Variants in CNTN5 observed in about 807,000 individuals in gnomAD.
CNTN5 encodes contactin 5.
CNTN5 carries 77 observed loss-of-function variants against 129.1 expected under a neutral mutation model. The observed-to-expected ratio is 0.60, with a 90% CI of 0.50 to 0.72. CNTN5 has a LOEUF of 0.72. CNTN5 is among the 30% of genes least tolerant of loss of function. The pLI, the probability that CNTN5 is intolerant of heterozygous loss-of-function variation, is 0.00. For missense variants in CNTN5, 1,478 were observed against 1,328.8 expected (o/e 1.11, Z -1.75); for synonymous variants, 509 against 465.6 (o/e 1.09, Z -1.20).
At chr11:99,172,931 G>A (rs1861213462) in intron 1 of CNTN5, among the ~76,000 whole-genome samples, 1 of 152,184 alleles carries the variant, frequency 6.6e-6, no homozygotes, top group South Asian at 2.1e-4. Context: ...CCGAGATTGG[G>A]AAATTTACAA....
intron 3 of CNTN5, among the ~76,000 whole-genome samples, chr11:99,579,659 G>T: frequency 7.2e-6 from 1 of 138,042 alleles, no homozygotes; most frequent in African/African-American, 2.8e-5. Context: ...AAGAATGCTT[G>T]TGATTTTTGC....
intron 2 of CNTN5, among the ~76,000 whole-genome samples, chr11:99,427,562 T>C (rs955811414): frequency 6.6e-6 from 1 of 151,894 alleles, no homozygotes; most frequent in African/African-American, 2.4e-5. Flanking sequence ...GTCAGGAGAT[T>C]GAGACCATCT....
chr11:99,284,343 G>A (rs925655162), intron 1 of CNTN5, among the ~76,000 whole-genome samples: 7 of 152,020 alleles, frequency 4.6e-5, no homozygotes, highest in Admixed American at 2.0e-4. Flanking sequence ...GTTCTGTCTT[G>A]AGAAATGTTT....
chr11:99,821,726 A>T lies in CNTN5; in HGVS notation c.277+1961A>T, dbSNP rs555467512. Reference sequence around the variant, plus strand: ...AATCTTTACAGATAAAACCCTCATTAAAATAAGACCCCCCTTCAAAGATTG... The same window carrying T: ...AATCTTTACAGATAAAACCCTCATTTAAATAAGACCCCCCTTCAAAGATTG... On this transcript the variant is annotated intron_variant, in intron 4 of 24. Coordinates refer to ENST00000524871, the MANE Select transcript of CNTN5 (RefSeq NM_014361.4). Among the ~76,000 whole-genome samples, 10 of 152,276 alleles carry T rather than the reference A, an allele frequency of 6.6e-5. No individual in the cohort carries two copies. In the East Asian group the frequency reaches 1.9e-3, roughly 29 times the overall value.
At chr11:99,981,071 C>A (rs1179131064) in intron 8 of CNTN5, among the ~76,000 whole-genome samples, 7 of 42,062 alleles carry the variant, frequency 1.7e-4, no homozygotes, top group Non-Finnish European at 2.3e-4. Context: ...GAGAAAGAGC[C>A]AATAGGATAT....
chr11:99,295,483 T>C (rs781436834), intron 1 of CNTN5, among the ~76,000 whole-genome samples: 1 of 152,234 alleles, frequency 6.6e-6, no homozygotes, highest in Non-Finnish European at 1.5e-5. Flanking sequence ...TTGCCACTTT[T>C]ATTCTAAACC....
At position 99,681,483 on chromosome 11, in the gene CNTN5, C is replaced by G. The variant is rs536587092; in HGVS notation, c.55+125214C>G. On this transcript the variant is annotated intron_variant, in intron 3 of 24. Coordinates refer to ENST00000524871, the MANE Select transcript of CNTN5 (RefSeq NM_014361.4). Reference sequence around the variant, plus strand: ...ACATCGAGGCAAGGCCCACCAGCAGCAAAAGATGACCATTTGTGGAAGGCT... The same window carrying G: ...ACATCGAGGCAAGGCCCACCAGCAGGAAAAGATGACCATTTGTGGAAGGCT... Among the ~76,000 whole-genome samples the G allele has an allele frequency of 1.1e-3, 166 of 152,180 alleles. 2 individuals carry two copies. The highest frequency in any genetic ancestry group is 3.5e-3 in the South Asian group (17 of 4,826).
chr11:100,085,302 GC>G (rs1429852309), intron 13 of CNTN5, among the ~76,000 whole-genome samples: 14 of 151,956 alleles, frequency 9.2e-5, no homozygotes, highest in Non-Finnish European at 1.5e-5. Context: ...GAAAACCTCT[GC>G]CTGCTGCTGC....
At chr11:100,074,392 G>A in intron 13 of CNTN5, 98 bp downstream of exon 13, 2 of 1,043,848 alleles carry the variant, frequency 1.9e-6, no homozygotes, top group Non-Finnish European at 2.8e-6. Context: ...GCAGTACCGT[G>A]AGACGTATTT....
chr11:100,306,604 C>T (rs1315528157), intron 20 of CNTN5, among the ~76,000 whole-genome samples: 1 of 151,664 alleles, frequency 6.6e-6, no homozygotes, highest in African/African-American at 2.4e-5. Flanking sequence ...TCCTAAATCC[C>T]AGAGATCAAG....
At chr11:99,424,709 T>C (rs190973339) in intron 2 of CNTN5, among the ~76,000 whole-genome samples, 192 of 152,348 alleles carry the variant, frequency 1.3e-3, no homozygotes, top group African/African-American at 4.4e-3. Flanking sequence ...AGCTCCTATG[T>C]CTGGGCTGCC....
In CNTN5 at chr11:99,677,919, C is replaced by T. The variant is rs1029067363; in HGVS notation, c.55+121650C>T. ...AAACACCTTTTCATTACCGCTTTTG[C>T]CCTTTTTATTGGTAAAACATGGATT... On this transcript the variant is annotated intron_variant, in intron 3 of 24. Coordinates refer to ENST00000524871, the MANE Select transcript of CNTN5 (RefSeq NM_014361.4). 2.0e-5 allele frequency among the ~76,000 whole-genome samples: 3 copies of T among 152,006 alleles called. No individual in the cohort carries two copies. In the East Asian group the frequency reaches 5.8e-4, roughly 29 times the overall value.
chr11:99,231,826 T>A (rs192016290), intron 1 of CNTN5, among the ~76,000 whole-genome samples: 1 of 152,318 alleles, frequency 6.6e-6, no homozygotes, highest in African/African-American at 2.4e-5. Flanking sequence ...AATTTTTGTA[T>A]TAGGTATGAG....
At chr11:99,777,391 T>C (rs1437563900) in intron 3 of CNTN5, among the ~76,000 whole-genome samples, 4 of 151,880 alleles carry the variant, frequency 2.6e-5, no homozygotes, top group Non-Finnish European at 5.9e-5. Context: ...AAGTTAATTC[T>C]AGGCAAATTG....
chr11:99,350,787 A>C (rs1938242322), intron 2 of CNTN5, among the ~76,000 whole-genome samples: 1 of 152,088 alleles, frequency 6.6e-6, no homozygotes, highest in Non-Finnish European at 1.5e-5. Flanking sequence ...CAATCAGAAT[A>C]GTGGCAATCT....
In CNTN5 at chr11:100,342,570, A is replaced by T. The variant is rs559359316; in HGVS notation, c.3030+1365A>T. Among the ~76,000 whole-genome samples the T allele has an allele frequency of 3.3e-5, 5 of 152,216 alleles. No homozygotes were observed. The South Asian group carries it at 1.0e-3, about 32-fold the overall frequency. On this transcript the variant is annotated intron_variant, in intron 23 of 24. Transcript: ENST00000524871. ...TACTCTATTGAGCTTGGGTGTAGGGATCCCAGGCTAGGTGCCACTACTCTT... is the reference window on the plus strand; with the variant it reads ...TACTCTATTGAGCTTGGGTGTAGGGTTCCCAGGCTAGGTGCCACTACTCTT...
At chr11:100,044,509 T>C (rs979577002) in intron 9 of CNTN5, among the ~76,000 whole-genome samples, 13 of 152,090 alleles carry the variant, frequency 8.5e-5, no homozygotes, top group Admixed American at 8.5e-4. Flanking sequence ...TTTTTCTTTT[T>C]AATAGCCATT....
At chr11:99,570,626 C>T (rs1464113676) in intron 3 of CNTN5, among the ~76,000 whole-genome samples, 3 of 152,126 alleles carry the variant, frequency 2.0e-5, no homozygotes, top group African/African-American at 7.2e-5. Flanking sequence ...AGATATTTTG[C>T]TAGGTGCTAA....
intron 3 of CNTN5, among the ~76,000 whole-genome samples, chr11:99,563,365 A>G (rs1342698759): frequency 6.6e-6 from 1 of 152,198 alleles, no homozygotes; most frequent in Non-Finnish European, 1.5e-5. Context: ...AAAAGGAGAA[A>G]GAATGGTAGA....
Sources: allele counts gnomAD v4.1 joint callset (sites outside exome capture counted in the v4.1 genomes callset), GRCh38; gene constraint gnomAD v4.1.1; transcripts MANE v1.5; gene names NCBI Gene and HGNC (gene_info 2026-07-23, HGNC 2026-07-21).